Variants in NRXN1 observed in about 807,000 individuals in gnomAD.
NRXN1 encodes the protein neurexin-1.
NRXN1 carries 39 observed loss-of-function variants against 150.9 expected under a neutral mutation model. The observed-to-expected ratio is 0.26, with a 90% CI of 0.20 to 0.34. The LOEUF (loss-of-function observed/expected upper bound fraction) is 0.34. Ranked by LOEUF, NRXN1 falls within the 10% of genes least tolerant of loss-of-function variation. The pLI, the probability that NRXN1 is intolerant of heterozygous loss-of-function variation, is 1.00. For missense variants in NRXN1, 1,815 were observed against 1,949.9 expected (o/e 0.93, Z 1.30); for synonymous variants, 924 against 757.0 (o/e 1.22, Z -3.62).
intron 2 of NRXN1, among the ~76,000 whole-genome samples, chr2:50,948,354 T>C (rs1303763822): frequency 6.6e-6 from 1 of 152,070 alleles, no homozygotes; most frequent in Non-Finnish European, 1.5e-5. Flanking sequence ...TAAGTATTTA[T>C]ACACATAAAT....
chr2:50,374,651 A>T (rs1004791120), intron 17 of NRXN1, among the ~76,000 whole-genome samples: 2 of 152,160 alleles, frequency 1.3e-5, no homozygotes, highest in African/African-American at 4.8e-5. Context: ...TTGATCAAAA[A>T]GAAAATATTA....
chr2:50,731,181 T>A (rs1260628260), intron 5 of NRXN1, among the ~76,000 whole-genome samples: 4 of 152,172 alleles, frequency 2.6e-5, no homozygotes, highest in Admixed American at 2.0e-4. Context: ...TACTTTCACA[T>A]AATACATATT....
chr2:50,317,633 A>G (rs963446325), intron 17 of NRXN1, among the ~76,000 whole-genome samples: 1 of 152,028 alleles, frequency 6.6e-6, no homozygotes, highest in African/African-American at 2.4e-5. Context: ...TGTATATAAA[A>G]CAAAGGAAAA....
chr2:50,098,845 T>G (rs1274169925), intron 18 of NRXN1, among the ~76,000 whole-genome samples: 260 of 8,284 alleles, frequency 0.031, 4 homozygotes, highest in African/African-American at 0.099. Flanking sequence ...TTTTTTTTTT[T>G]TTTTTTTTTT....
chr2:50,761,778 C>T (rs1419968587), intron 5 of NRXN1, among the ~76,000 whole-genome samples: 2 of 151,864 alleles, frequency 1.3e-5, no homozygotes, highest in Non-Finnish European at 2.9e-5. Context: ...AATCAGCTGC[C>T]AGCACAGCCA....
chr2:50,627,007 A>C (rs1446357676), intron 5 of NRXN1, among the ~76,000 whole-genome samples: 2 of 151,906 alleles, frequency 1.3e-5, no homozygotes, highest in African/African-American at 2.4e-5. Context: ...ATTAGTATTC[A>C]GGAAATGGTA....
Position 50,623,623 on chromosome 2 carries a change from A to G in NRXN1, c.833-8T>C, listed in dbSNP as rs200537932. 6.3e-7 allele frequency: 1 copy of G among 1,597,304 alleles called. No homozygotes were observed. Among genetic ancestry groups the G allele is most frequent in the South Asian group, 1.1e-5 (1 of 90,602 alleles). On this transcript the variant is annotated splice_region_variant and splice_polypyrimidine_tract_variant and intron_variant, in intron 5 of 22. Transcript: ENST00000401669. ...CAATATATTCTTCTTTTCCTAGAGGAAAACAGATGATACATACATAAGTAA... is the reference window on the plus strand; with the variant it reads ...CAATATATTCTTCTTTTCCTAGAGGGAAACAGATGATACATACATAAGTAA...
chr2:50,484,576 A>T (rs2090728180), intron 15 of NRXN1, among the ~76,000 whole-genome samples: 2 of 152,162 alleles, frequency 1.3e-5, no homozygotes, highest in Admixed American at 1.3e-4. Context: ...GCCAACCCCC[A>T]ATCACCCAAC....
chr2:50,133,598 C>T (rs1705902265), intron 18 of NRXN1, among the ~76,000 whole-genome samples: 1 of 151,996 alleles, frequency 6.6e-6, no homozygotes, highest in African/African-American at 2.4e-5. Flanking sequence ...AATTAGTAAA[C>T]TAGTTGTGTT....
At chr2:51,016,115 A>C (rs1668628382) in intron 2 of NRXN1, among the ~76,000 whole-genome samples, 1 of 152,064 alleles carries the variant, frequency 6.6e-6, no homozygotes, top group Admixed American at 6.6e-5. Context: ...AAAAACAAGC[A>C]ATGGGGAAAG....
At chr2:50,940,032 GA>G (rs1406255553) in intron 2 of NRXN1, among the ~76,000 whole-genome samples, 2 of 152,078 alleles carry the variant, frequency 1.3e-5, no homozygotes, top group African/African-American at 4.8e-5. Context: ...TACTAGTCCT[GA>G]CTTTAAATAG....
chr2:50,013,676 C>G (rs1473669433), intron 21 of NRXN1, among the ~76,000 whole-genome samples: 1 of 152,020 alleles, frequency 6.6e-6, no homozygotes, highest in Non-Finnish European at 1.5e-5. Context: ...TCTGCGGAAC[C>G]CAGGTCTGAA....
chr2:50,352,579 C>G (rs2078488110), intron 17 of NRXN1, among the ~76,000 whole-genome samples: 1 of 151,476 alleles, frequency 6.6e-6, no homozygotes, highest in South Asian at 2.1e-4. Context: ...ATAAGCAGAC[C>G]CCACATATCC....
chr2:50,410,509 C>T (rs1309198190), intron 17 of NRXN1, among the ~76,000 whole-genome samples: 2 of 152,116 alleles, frequency 1.3e-5, no homozygotes, highest in Non-Finnish European at 2.9e-5. Context: ...TAACTAAGCT[C>T]CTGGAGCAAA....
intron 17 of NRXN1, among the ~76,000 whole-genome samples, chr2:50,398,129 T>C (rs2082161376): frequency 6.6e-6 from 1 of 152,142 alleles, no homozygotes; most frequent in African/African-American, 2.4e-5. Flanking sequence ...TGGCTGTTTT[T>C]CCCCTTTTAA....
At chr2:50,003,226 C>CAGAGATG (rs1190127543) in intron 21 of NRXN1, among the ~76,000 whole-genome samples, 1 of 151,988 alleles carries the variant, frequency 6.6e-6, no homozygotes, top group Non-Finnish European at 1.5e-5. Context: ...ACAACAGGTA[C>CAGAGATG]AGAGATGAGA....
chr2:50,179,954 G>C (rs1360831661), intron 18 of NRXN1, among the ~76,000 whole-genome samples: 1 of 151,972 alleles, frequency 6.6e-6, no homozygotes, highest in Non-Finnish European at 1.5e-5. Context: ...CATTATTTCT[G>C]GGTAATAAAC....
chr2:50,912,446 T>C (rs138130060), intron 5 of NRXN1, among the ~76,000 whole-genome samples: 114 of 152,036 alleles, frequency 7.5e-4, no homozygotes, highest in Middle Eastern at 3.4e-3. Context: ...AGTGGTCCTG[T>C]CCTGTTGCAA....
intron 17 of NRXN1, among the ~76,000 whole-genome samples, chr2:50,445,036 C>T (rs537768550): frequency 1.1e-4 from 16 of 152,176 alleles, no homozygotes; most frequent in African/African-American, 3.6e-4. Context: ...GCACTGTGCC[C>T]GTAACTTGTT....
Sources: allele counts gnomAD v4.1 joint callset (sites outside exome capture counted in the v4.1 genomes callset), GRCh38; gene constraint gnomAD v4.1.1; transcripts MANE v1.5; gene names NCBI Gene and HGNC (gene_info 2026-07-23, HGNC 2026-07-21).